ZNF608: variants seen among roughly 807,000 people sequenced by gnomAD.
The protein encoded by ZNF608 is zinc finger protein 608, also known as renal carcinoma antigen NY-REN-36.
ZNF608 carries 12 observed loss-of-function variants against 109.0 expected under a neutral mutation model. That is an observed-to-expected ratio of 0.11 (90% CI 0.07 to 0.18). The LOEUF is 0.18. Among genes scored for constraint, ZNF608 ranks in the 10% least tolerant of loss-of-function variants. The pLI, the probability that ZNF608 is intolerant of heterozygous loss-of-function variation, is 1.00. For synonymous variants in ZNF608, 732 were observed against 717.4 expected, an observed-to-expected ratio of 1.02 and a Z score of -0.33; for missense variants, 1,707 against 1,879.3, an observed-to-expected ratio of 0.91 and a Z score of 1.70.
chr5:124,655,176 T>C (rs1197984763), intron 3 of ZNF608, among the ~76,000 whole-genome samples: 1 of 152,258 alleles, frequency 6.6e-6, no homozygotes, highest in Non-Finnish European at 1.5e-5. Context: ...ACTAGTTTTA[T>C]AGATGATAGA....
chr5:124,645,517 G>A (rs760150558), intron 5 of ZNF608, among the ~76,000 whole-genome samples: 1 of 151,356 alleles, frequency 6.6e-6, no homozygotes, highest in South Asian at 2.1e-4. Flanking sequence ...TGGCGGTGGT[G>A]GGGGCTGGTG....
intron 2 of ZNF608, among the ~76,000 whole-genome samples, chr5:124,733,441 C>T (rs920313720): frequency 6.6e-6 from 1 of 151,870 alleles, no homozygotes; most frequent in Admixed American, 6.6e-5. Context: ...CAAAAATGCC[C>T]AGGCCCCAAT....
chr5:124,648,123 G>A lies in ZNF608; in HGVS notation c.2261C>T (p.Thr754Ile). 6.2e-7 allele frequency: 1 copy of A among 1,614,078 alleles called. No homozygotes were observed. The highest frequency in any genetic ancestry group is 1.1e-5 in the South Asian group (1 of 91,074). ...AGTGGTGGTCGTTGTAAAGGTTGCA[G>A]TGGGTATAGCGATTAGCTGCGGGGG... ...PTPPQLIAIP[T>I]ATFTTTTTGT... The change falls in exon 5 of 10, where the codon ACT (threonine) becomes ATT (isoleucine). Residue 754 changes from threonine to isoleucine, a missense_variant. Coordinates refer to ENST00000513986, the MANE Select transcript of ZNF608 (RefSeq NM_020747.3).
At chr5:124,689,433 C>T (rs1752522531) in intron 3 of ZNF608, among the ~76,000 whole-genome samples, 1 of 145,856 alleles carries the variant, frequency 6.9e-6, no homozygotes, top group Non-Finnish European at 1.5e-5. Context: ...GCATAGGTGA[C>T]AGAGTTTAAG....
chr5:124,700,986 G>C (rs758952046), intron 3 of ZNF608, 28 bp downstream of exon 3: 1 of 1,610,676 alleles, frequency 6.2e-7, no homozygotes, highest in Non-Finnish European at 8.5e-7. Flanking sequence ...AGGGCATCGG[G>C]AAATATATAA....
Position 124,742,039 on chromosome 5 carries a change from C to T in ZNF608, c.906+2045G>A, listed in dbSNP as rs749599817. ...TTGCAGTGTGCTTTCTTCCCTCCCC[C>T]ACCCCAGATCCACCATGACTTGTTT... is the stretch of plus-strand genomic sequence containing the variant. On this transcript the variant is annotated intron_variant, in intron 2 of 9. Transcript: ENST00000513986. Among the ~76,000 whole-genome samples the T allele has an allele frequency of 5.3e-4, 80 of 152,302 alleles. 3 individuals are homozygous for T. Among genetic ancestry groups the T allele is most frequent in the South Asian group, 1.0e-3 (5 of 4,826 alleles).
At chr5:124,714,845 A>T (rs934357403) in intron 2 of ZNF608, among the ~76,000 whole-genome samples, 1 of 152,248 alleles carries the variant, frequency 6.6e-6, no homozygotes, top group Non-Finnish European at 1.5e-5. Context: ...CAGTTTTCAA[A>T]TTAAATGAAA....
At chr5:124,713,619 C>G (rs1464436544) in intron 2 of ZNF608, among the ~76,000 whole-genome samples, 2 of 152,116 alleles carry the variant, frequency 1.3e-5, no homozygotes, top group Non-Finnish European at 2.9e-5. Context: ...TCTTGTTATC[C>G]AAGTGCCTAC....
At chr5:124,677,835 A>G (rs1007588168) in intron 3 of ZNF608, among the ~76,000 whole-genome samples, 10 of 152,146 alleles carry the variant, frequency 6.6e-5, no homozygotes, top group African/African-American at 2.2e-4. Flanking sequence ...TTTGGTGGAC[A>G]CAGAGCACGA....
intron 3 of ZNF608, among the ~76,000 whole-genome samples, chr5:124,655,765 G>A (rs930463857): frequency 2.6e-5 from 4 of 152,088 alleles, no homozygotes; most frequent in Admixed American, 6.5e-5. Flanking sequence ...TTATGTTGTC[G>A]TCACTCTGTG....
intron 3 of ZNF608, among the ~76,000 whole-genome samples, chr5:124,659,810 T>G (rs962518977): frequency 6.6e-6 from 1 of 152,212 alleles, no homozygotes; most frequent in African/African-American, 2.4e-5. Context: ...TGGGAACCAA[T>G]TGACAATTAT....
At chr5:124,661,714 ACTGT>A (rs1260644891) in intron 3 of ZNF608, among the ~76,000 whole-genome samples, 1 of 152,188 alleles carries the variant, frequency 6.6e-6, no homozygotes, top group African/African-American at 2.4e-5. Context: ...TCACTGCTTT[ACTGT>A]CTATTTCTAT....
intron 3 of ZNF608, among the ~76,000 whole-genome samples, chr5:124,673,878 C>A (rs1277320626): frequency 2.0e-5 from 3 of 152,152 alleles, no homozygotes; most frequent in Non-Finnish European, 2.9e-5. Context: ...TGTTTCCTCA[C>A]ATGGCATAAT....
chr5:124,658,854 G>T (rs1751123485), intron 3 of ZNF608, among the ~76,000 whole-genome samples: 1 of 152,140 alleles, frequency 6.6e-6, no homozygotes, highest in South Asian at 2.1e-4. Context: ...TAAAAAGTTT[G>T]GGAAAGGTAT....
At chr5:124,692,757 C>T (rs1752673026) in intron 3 of ZNF608, among the ~76,000 whole-genome samples, 2 of 152,184 alleles carry the variant, frequency 1.3e-5, no homozygotes, top group Non-Finnish European at 2.9e-5. Flanking sequence ...CTGCCTGGCA[C>T]AGATGAATCC....
intron 3 of ZNF608, among the ~76,000 whole-genome samples, chr5:124,689,343 T>G (rs1262794362): frequency 6.6e-6 from 1 of 152,006 alleles, no homozygotes; most frequent in East Asian, 1.9e-4. Flanking sequence ...TCCCAGCTAC[T>G]CAGGAGGCTG....
At chr5:124,727,412 G>A (rs2149887385) in intron 2 of ZNF608, among the ~76,000 whole-genome samples, 1 of 152,156 alleles carries the variant, frequency 6.6e-6, no homozygotes, top group African/African-American at 2.4e-5. Flanking sequence ...GTCAGTTTAT[G>A]CATACTACTT....
Position 124,647,678 on chromosome 5 carries a change from C to G in ZNF608, c.2706G>C (p.Ser902=). The change falls in exon 5 of 10, where the codon TCG becomes TCC. Residue 902 remains serine (S), a synonymous_variant. Transcript: ENST00000513986. ...NAPSPSIGSA[S]RLECSTLVNG... is the part of the protein sequence containing the mutation. ...TCACCAAAGTGCTGCATTCCAGCCT[C>G]GAGGCGCTCCCTATGGAAGGGCTGG... is the stretch of plus-strand genomic sequence containing the variant. 1 of 1,614,200 alleles carries G rather than the reference C, an allele frequency of 6.2e-7. No homozygotes were observed. Among genetic ancestry groups the G allele is most frequent in the Middle Eastern group, 1.6e-4 (1 of 6,062 alleles).
chr5:124,696,723 T>TG (rs1752863148), intron 3 of ZNF608, among the ~76,000 whole-genome samples: 1 of 152,224 alleles, frequency 6.6e-6, no homozygotes, highest in Non-Finnish European at 1.5e-5. Flanking sequence ...CCATAGCATC[T>TG]TGATAGACAC....
Sources: gnomAD v4.1 joint callset for allele counts (sites outside exome capture counted in the v4.1 genomes callset) on GRCh38, gnomAD v4.1.1 for gene constraint, MANE v1.5 for transcripts, NCBI Gene and HGNC (gene_info 2026-07-23, HGNC 2026-07-21) for gene names.